FHIT: variants seen among roughly 807,000 people sequenced by gnomAD.
FHIT encodes the protein bis(5'-adenosyl)-triphosphatase.
In FHIT, 19 loss-of-function variants were observed where a neutral mutation model predicts 17.9. The ratio of observed to expected loss-of-function variants is 1.06; its 90% confidence interval spans 0.74 to 1.56. The LOEUF (loss-of-function observed/expected upper bound fraction) is 1.56. Among genes scored for constraint, FHIT ranks in the 40% most tolerant of loss-of-function variants. The pLI is 0.00. For synonymous variants in FHIT, 81 were observed against 69.7 expected, an observed-to-expected ratio of 1.16 and a Z score of -0.81; for missense variants, 248 against 189.2, an observed-to-expected ratio of 1.31 and a Z score of -1.82.
chr3:60,482,108 T>C (rs973719462), intron 5 of FHIT, among the ~76,000 whole-genome samples: 3 of 152,110 alleles, frequency 2.0e-5, no homozygotes, highest in East Asian at 1.9e-4. Flanking sequence ...AAGGGAACAA[T>C]TGAACAAGGA....
chr3:60,559,978 A>C (rs990237466), intron 4 of FHIT, among the ~76,000 whole-genome samples: 4 of 152,116 alleles, frequency 2.6e-5, no homozygotes, highest in Non-Finnish European at 5.9e-5. Flanking sequence ...CCAGAGCCCT[A>C]AGTTTAAACA....
chr3:61,118,781 C>T (rs991501992), intron 2 of FHIT, among the ~76,000 whole-genome samples: 2 of 152,204 alleles, frequency 1.3e-5, no homozygotes, highest in Non-Finnish European at 2.9e-5. Context: ...TTATCTCACA[C>T]ATGGTAAGTT....
chr3:60,609,944 C>T (rs547432274), intron 4 of FHIT, among the ~76,000 whole-genome samples: 2 of 152,210 alleles, frequency 1.3e-5, no homozygotes, highest in Non-Finnish European at 2.9e-5. Context: ...CATTGTTCTA[C>T]ACTGATTTTA....
chr3:60,377,205 T>A (rs1342999730), intron 5 of FHIT, among the ~76,000 whole-genome samples: 1 of 52,278 alleles, frequency 1.9e-5, no homozygotes, highest in Non-Finnish European at 4.0e-5. Flanking sequence ...GCCATTAAGC[T>A]TTTTTTTTTT....
intron 4 of FHIT, among the ~76,000 whole-genome samples, chr3:60,552,092 T>C (rs1293702121): frequency 6.6e-6 from 1 of 152,176 alleles, no homozygotes; most frequent in African/African-American, 2.4e-5. Flanking sequence ...ATACGATATA[T>C]AGCCTTTTAT....
chr3:59,876,871 G>C (rs1333159280), intron 8 of FHIT, among the ~76,000 whole-genome samples: 1 of 152,110 alleles, frequency 6.6e-6, no homozygotes. Context: ...GACCCAACTG[G>C]CCTAAGCCAC....
At chr3:60,824,579 G>A (rs1702046923) in intron 3 of FHIT, among the ~76,000 whole-genome samples, 1 of 152,122 alleles carries the variant, frequency 6.6e-6, no homozygotes, top group South Asian at 2.1e-4. Context: ...AAGAAAAGCA[G>A]CTCAACCTCA....
intron 5 of FHIT, among the ~76,000 whole-genome samples, chr3:60,375,783 A>C (rs953970652): frequency 6.6e-6 from 1 of 151,958 alleles, no homozygotes; most frequent in Non-Finnish European, 1.5e-5. Context: ...TCTAGGCTTA[A>C]TCAACTGTTC....
chr3:61,117,056 T>C (rs1030373034), intron 2 of FHIT, among the ~76,000 whole-genome samples: 1 of 152,170 alleles, frequency 6.6e-6, no homozygotes, highest in Non-Finnish European at 1.5e-5. Context: ...ACAAAAAATA[T>C]AATGAGCCAA....
intron 5 of FHIT, among the ~76,000 whole-genome samples, chr3:60,444,440 A>G (rs2031168996): frequency 6.6e-6 from 1 of 152,212 alleles, no homozygotes; most frequent in Non-Finnish European, 1.5e-5. Context: ...ACTTGGAACC[A>G]ACCCAAATGT....
chr3:60,425,733 T>A (rs1267693761), intron 5 of FHIT, among the ~76,000 whole-genome samples: 1 of 152,226 alleles, frequency 6.6e-6, no homozygotes, highest in Admixed American at 6.5e-5. Flanking sequence ...AAATTATAGT[T>A]ACAGGCTAAG....
chr3:60,428,049 G>A (rs1702739888), intron 5 of FHIT, among the ~76,000 whole-genome samples: 2 of 152,062 alleles, frequency 1.3e-5, no homozygotes, highest in African/African-American at 4.8e-5. Context: ...TACTAGGTTG[G>A]CCTTTTTCTT....
intron 5 of FHIT, among the ~76,000 whole-genome samples, chr3:60,389,286 G>T (rs1180053275): frequency 6.6e-6 from 1 of 151,130 alleles, no homozygotes; most frequent in African/African-American, 2.5e-5. Context: ...GATGCATGCT[G>T]AAGTGTGAGG....
At chr3:60,587,172 A>G (rs1409586206) in intron 4 of FHIT, among the ~76,000 whole-genome samples, 1 of 152,058 alleles carries the variant, frequency 6.6e-6, no homozygotes, top group Non-Finnish European at 1.5e-5. Context: ...CTATGCAGCC[A>G]AAAAAGGAAT....
intron 8 of FHIT, among the ~76,000 whole-genome samples, chr3:59,904,678 C>T (rs1371094501): frequency 6.6e-6 from 1 of 152,064 alleles, no homozygotes; most frequent in Non-Finnish European, 1.5e-5. Flanking sequence ...TTGTACCATG[C>T]CCAAGAAGAA....
chr3:60,963,880 TGTG>T (rs1462007333), intron 3 of FHIT, among the ~76,000 whole-genome samples: 2 of 152,206 alleles, frequency 1.3e-5, no homozygotes, highest in Admixed American at 1.3e-4. Context: ...ATAAGTGCGA[TGTG>T]GTGCTGAGAA....
intron 4 of FHIT, among the ~76,000 whole-genome samples, chr3:60,652,820 G>C (rs2040024739): frequency 6.6e-6 from 1 of 150,814 alleles, no homozygotes; most frequent in African/African-American, 2.4e-5. Context: ...TGAGGCAGGA[G>C]AATTGCTTGA....
At chr3:60,940,225 G>C (rs1330744185) in intron 3 of FHIT, among the ~76,000 whole-genome samples, 1 of 152,032 alleles carries the variant, frequency 6.6e-6, no homozygotes, top group African/African-American at 2.4e-5. Flanking sequence ...TAAAATAAAT[G>C]GTTCTGCCCA....
intron 5 of FHIT, among the ~76,000 whole-genome samples, chr3:60,515,846 T>G (rs2107553095): frequency 6.6e-6 from 1 of 152,344 alleles, no homozygotes; most frequent in East Asian, 1.9e-4. Flanking sequence ...GGTTAAGTAA[T>G]TCCCAGGGCT....
Sources: gnomAD v4.1 joint callset for allele counts (sites outside exome capture counted in the v4.1 genomes callset) on GRCh38, gnomAD v4.1.1 for gene constraint, MANE v1.5 for transcripts, NCBI Gene and HGNC (gene_info 2026-07-23, HGNC 2026-07-21) for gene names.